Variants in SYNE2 observed in about 807,000 individuals in gnomAD.
The protein encoded by SYNE2 is nesprin-2.
In SYNE2, 431 loss-of-function variants were observed where a neutral mutation model predicts 856.3. The ratio of observed to expected loss-of-function variants is 0.50; its 90% confidence interval spans 0.47 to 0.55. The LOEUF (loss-of-function observed/expected upper bound fraction) is 0.55, where lower values mean the gene tolerates loss of function less well. Ranked by LOEUF, SYNE2 falls within the 20% of genes least tolerant of loss-of-function variation. SYNE2 has a pLI of 0.00. For synonymous variants in SYNE2, 2,923 were observed against 2,872.3 expected (o/e 1.02, Z -0.56); for missense variants, 8,129 against 8,023.2 (o/e 1.01, Z -0.50).
At chr14:63,956,033 G>A (rs908327973) in intron 8 of SYNE2, among the ~76,000 whole-genome samples, 6 of 152,064 alleles carry the variant, frequency 3.9e-5, no homozygotes, top group East Asian at 1.9e-4. Flanking sequence ...TGTGCTATTC[G>A]CAATGCAACT....
intron 1 of SYNE2, among the ~76,000 whole-genome samples, chr14:63,763,538 T>C (rs937520134): frequency 6.6e-6 from 1 of 151,996 alleles, no homozygotes; most frequent in African/African-American, 2.4e-5. Context: ...GGCGAGACCC[T>C]GTCTCTATAA....
intron 85 of SYNE2, among the ~76,000 whole-genome samples, chr14:64,154,011 A>T (rs1201055334): frequency 6.6e-6 from 1 of 152,138 alleles, no homozygotes; most frequent in Non-Finnish European, 1.5e-5. Context: ...CATTCATACA[A>T]TATACAAAAA....
In SYNE2 at chr14:63,958,452, G is replaced by T. The variant is rs576945559; in HGVS notation, c.788-3073G>T. Among the ~76,000 whole-genome samples the T allele has an allele frequency of 7.0e-4, 106 of 152,138 alleles. 5 individuals are homozygous for T. The South Asian group carries it at 0.021, about 30-fold the overall frequency. On this transcript the variant is annotated intron_variant, in intron 8 of 115. Transcript: ENST00000555002. ...GGAATTTACATTATGTTTTTTTCTC[G>T]TGATTATACTGGGTTTTTGTGTTCT...
chr14:64,163,293 C>G (rs1039998881), intron 88 of SYNE2, 109 bp from the exon 89 acceptor site: 1 of 1,249,276 alleles, frequency 8.0e-7, no homozygotes, highest in Non-Finnish European at 1.1e-6. Flanking sequence ...AAGATCATGC[C>G]TACGTTTTCA....
chr14:64,190,814 C>T, intron 99 of SYNE2: 1 of 674,326 alleles, frequency 1.5e-6, no homozygotes, highest in South Asian at 1.6e-5. Context: ...CTATATTGGC[C>T]AGTGCAATCT....
chr14:64,037,339 G>GAT (rs1268865914), intron 45 of SYNE2, among the ~76,000 whole-genome samples: 1 of 150,702 alleles, frequency 6.6e-6, no homozygotes, highest in Admixed American at 6.6e-5. Context: ...GACTCTTAAC[G>GAT]AGCATGCTGC....
At chr14:64,122,989 C>T (rs564708546) in intron 70 of SYNE2, among the ~76,000 whole-genome samples, 65 of 151,860 alleles carry the variant, frequency 4.3e-4, no homozygotes, top group Non-Finnish European at 7.8e-4. Flanking sequence ...ATCCCAGCTA[C>T]TCAGGAGGCT....
chr14:64,076,823 C>T (rs561818696), intron 54 of SYNE2, among the ~76,000 whole-genome samples: 5 of 145,380 alleles, frequency 3.4e-5, no homozygotes, highest in African/African-American at 1.0e-4. Context: ...AGATTTCAAA[C>T]TTAGTTGCTA....
intron 1 of SYNE2, among the ~76,000 whole-genome samples, chr14:63,762,623 A>G (rs1163267078): frequency 6.8e-6 from 1 of 146,714 alleles, no homozygotes; most frequent in Non-Finnish European, 1.5e-5. Flanking sequence ...ATAAATTGAG[A>G]CAGGGTGTTG....
intron 41 of SYNE2, 92 bp downstream of exon 41, chr14:64,025,513 G>GA: frequency 7.9e-7 from 1 of 1,263,526 alleles, no homozygotes; most frequent in Non-Finnish European, 1.1e-6. Flanking sequence ...CTTCTTAATG[G>GA]AAAATCAGAT....
chr14:63,995,008 C>G, intron 22 of SYNE2, 36 bp from the exon 23 acceptor site: 2 of 1,358,244 alleles, frequency 1.5e-6, no homozygotes, highest in Non-Finnish European at 1.0e-6. Flanking sequence ...ATATTTTGTT[C>G]TCATGGTTAA....
At chr14:63,901,955 C>G (rs1488714089) in intron 1 of SYNE2, among the ~76,000 whole-genome samples, 1 of 151,674 alleles carries the variant, frequency 6.6e-6, no homozygotes, top group Non-Finnish European at 1.5e-5. Flanking sequence ...AAACCAAAAC[C>G]CCCAAATAGC....
intron 10 of SYNE2, among the ~76,000 whole-genome samples, chr14:63,967,334 C>T (rs764817952): frequency 1.3e-5 from 2 of 152,240 alleles, no homozygotes; most frequent in African/African-American, 2.4e-5. Flanking sequence ...TATATGACTA[C>T]TGCCGTCATA....
At position 64,224,338 on chromosome 14, in the gene SYNE2, G is replaced by A. The variant is rs116612639; in HGVS notation, c.20383-123G>A. Reference sequence around the variant, plus strand: ...TGCACTCCAGCCTGGGTGACACAGTGAGACTGTCTAAAACAAAACAAAACA... The same window carrying A: ...TGCACTCCAGCCTGGGTGACACAGTAAGACTGTCTAAAACAAAACAAAACA... On this transcript the variant is annotated intron_variant, in intron 113 of 115. Transcript: ENST00000555002. 570 of 950,160 alleles carry A rather than the reference G, an allele frequency of 6.0e-4. 13 individuals carry two copies. In the African/African-American group the frequency reaches 8.2e-3, roughly 14 times the overall value. The allele number at this position is 950,160 out of a possible 1,614,324, so 58.9% of individuals were successfully genotyped here.
At chr14:64,030,990 T>C (rs2097029907) in intron 44 of SYNE2, 26 bp from the exon 45 acceptor site, 1 of 1,528,286 alleles carries the variant, frequency 6.5e-7, no homozygotes, top group Non-Finnish European at 9.1e-7. Context: ...TGAATGGAGA[T>C]ATAACAATCT....
At chr14:64,058,362 C>T (rs773849936) in intron 49 of SYNE2, among the ~76,000 whole-genome samples, 15 of 152,126 alleles carry the variant, frequency 9.9e-5, no homozygotes, top group Non-Finnish European at 1.6e-4. Context: ...CCAGTTTTCC[C>T]GGAACCGTTT....
intron 96 of SYNE2, among the ~76,000 whole-genome samples, chr14:64,180,838 A>G (rs2098454479): frequency 6.6e-6 from 1 of 152,192 alleles, no homozygotes; most frequent in Non-Finnish European, 1.5e-5. Flanking sequence ...CACAAAAGAT[A>G]TATCTTTTGT....
At chr14:64,214,082 A>T in intron 105 of SYNE2, 112 bp from the exon 106 acceptor site, 4 of 1,525,134 alleles carry the variant, frequency 2.6e-6, no homozygotes, top group Non-Finnish European at 2.7e-6. Flanking sequence ...TGCCTTAGAA[A>T]TACTATTGGC....
At chr14:63,903,518 G>A (rs1320465451) in intron 1 of SYNE2, among the ~76,000 whole-genome samples, 1 of 152,012 alleles carries the variant, frequency 6.6e-6, no homozygotes, top group South Asian at 2.1e-4. Flanking sequence ...CTTTTTAGAG[G>A]TAGTCTGTCT....
Sources: allele counts gnomAD v4.1 joint callset (sites outside exome capture counted in the v4.1 genomes callset), GRCh38; gene constraint gnomAD v4.1.1; transcripts MANE v1.5; gene names NCBI Gene and HGNC (gene_info 2026-07-23, HGNC 2026-07-21).